The following NT5C3A variants were observed in gnomAD, a reference collection of about 807,000 sequenced individuals.
NT5C3A encodes the protein 5'-nucleotidase, cytosolic IIIA.
NT5C3A carries 23 observed loss-of-function variants against 40.0 expected under a neutral mutation model. The observed-to-expected ratio is 0.58, with a 90% CI of 0.41 to 0.81. The LOEUF is 0.81. NT5C3A is among the 40% of genes least tolerant of loss of function. NT5C3A has a pLI of 0.00. For missense variants in NT5C3A, 328 were observed against 403.0 expected, an observed-to-expected ratio of 0.81 and a Z score of 1.59; for synonymous variants, 130 against 141.4, an observed-to-expected ratio of 0.92 and a Z score of 0.57.
chr7:33,021,474 C>A (rs1785628082), intron 4 of NT5C3A, 117 bp from the exon 5 acceptor site: 3 of 1,235,706 alleles, frequency 2.4e-6, no homozygotes, highest in African/African-American at 3.1e-5. Flanking sequence ...AAAAGTTGAG[C>A]TAATGCATCA....
intron 1 of NT5C3A, among the ~76,000 whole-genome samples, chr7:33,039,246 G>A (rs1331851917): frequency 6.6e-6 from 1 of 152,040 alleles, no homozygotes; most frequent in Non-Finnish European, 1.5e-5. Flanking sequence ...TTTAAAGCAA[G>A]TCTTAAAGTA....
intron 1 of NT5C3A, among the ~76,000 whole-genome samples, chr7:33,047,086 T>A (rs938858288): frequency 6.6e-6 from 1 of 152,004 alleles, no homozygotes; most frequent in East Asian, 1.9e-4. Context: ...TATTTTATTA[T>A]AGCTGAATCT....
chr7:33,058,503 C>T (rs1268578361), intron 1 of NT5C3A, among the ~76,000 whole-genome samples: 2 of 152,158 alleles, frequency 1.3e-5, no homozygotes, highest in Non-Finnish European at 2.9e-5. Context: ...CCCGCCACGA[C>T]GCCCAACTAC....
chr7:33,052,652 A>C (rs1787415427), intron 1 of NT5C3A, among the ~76,000 whole-genome samples: 1 of 152,190 alleles, frequency 6.6e-6, no homozygotes, highest in Non-Finnish European at 1.5e-5. Flanking sequence ...CTCTTTATAC[A>C]GTAATTGTCT....
At chr7:33,039,570 T>TG (rs1243400446) in intron 1 of NT5C3A, among the ~76,000 whole-genome samples, 2 of 145,648 alleles carry the variant, frequency 1.4e-5, no homozygotes, top group African/African-American at 5.1e-5. Context: ...TTGTTTTTTT[T>TG]TTTTTTTAAT....
chr7:33,041,768 G>C lies in NT5C3A; in HGVS notation c.139-14853C>G, dbSNP rs72555720. ...AATTTTTTTTTTTAAAAGAGAACTAGTCTTGCTTTTAACCTGAGTAGTAGG... is the reference window on the plus strand; with the variant it reads ...AATTTTTTTTTTTAAAAGAGAACTACTCTTGCTTTTAACCTGAGTAGTAGG... On this transcript the variant is annotated intron_variant, in intron 1 of 8. Transcript: ENST00000610140. Among the ~76,000 whole-genome samples the C allele has an allele frequency of 0.012, 1,896 of 151,972 alleles. 63 individuals carry two copies. The East Asian group carries it at 0.14, about 11-fold the overall frequency.
At chr7:33,039,567 T>TTTTTTGTTG (rs1786808632) in intron 1 of NT5C3A, among the ~76,000 whole-genome samples, 1 of 144,342 alleles carries the variant, frequency 6.9e-6, no homozygotes, top group African/African-American at 2.6e-5. Context: ...TTTTTGTTTT[T>TTTTTTGTTG]TTTTTTTTTT....
At chr7:33,056,776 G>A (rs920794437) in intron 1 of NT5C3A, among the ~76,000 whole-genome samples, 3 of 152,034 alleles carry the variant, frequency 2.0e-5, no homozygotes, top group Non-Finnish European at 2.9e-5. Context: ...GTGGGCTTTC[G>A]ATTCACTCAG....
At chr7:33,054,918 G>C (rs563785120) in intron 1 of NT5C3A, among the ~76,000 whole-genome samples, 3 of 152,314 alleles carry the variant, frequency 2.0e-5, no homozygotes, top group African/African-American at 7.2e-5. Context: ...ATAATTGGGA[G>C]ATTAGCTTCC....
At chr7:33,060,546 C>A (rs115102606) in intron 1 of NT5C3A, among the ~76,000 whole-genome samples, 1 of 152,068 alleles carries the variant, frequency 6.6e-6, no homozygotes. Context: ...TAGCAACTTC[C>A]TCATGTCTCT....
At chr7:33,042,120 T>C (rs1340911098) in intron 1 of NT5C3A, among the ~76,000 whole-genome samples, 1 of 152,114 alleles carries the variant, frequency 6.6e-6, no homozygotes, top group Non-Finnish European at 1.5e-5. Context: ...GTGGATCACC[T>C]GAGGTCAGGA....
intron 7 of NT5C3A, 71 bp downstream of exon 7, chr7:33,017,368 C>T: frequency 8.0e-7 from 1 of 1,248,164 alleles, no homozygotes; most frequent in Non-Finnish European, 1.1e-6. Flanking sequence ...TATTAAGTAA[C>T]AATAAATAAA....
intron 7 of NT5C3A, among the ~76,000 whole-genome samples, chr7:33,016,246 C>T (rs1026335573): frequency 3.6e-4 from 55 of 152,032 alleles, no homozygotes; most frequent in African/African-American, 1.3e-3. Flanking sequence ...TGGTGGCACG[C>T]ACCTGTAGTC....
At chr7:33,022,867 T>C (rs1349974636) in intron 3 of NT5C3A, among the ~76,000 whole-genome samples, 3 of 152,096 alleles carry the variant, frequency 2.0e-5, no homozygotes, top group Non-Finnish European at 4.4e-5. Context: ...TTGAGATTAT[T>C]AGAAATTCTC....
intron 1 of NT5C3A, among the ~76,000 whole-genome samples, chr7:33,043,485 T>C (rs1156681143): frequency 2.0e-5 from 3 of 152,154 alleles, no homozygotes; most frequent in African/African-American, 7.2e-5. Flanking sequence ...GTCAACATCA[T>C]ATAGTTGGAT....
chr7:33,037,377 T>G (rs1237946010), intron 1 of NT5C3A, among the ~76,000 whole-genome samples: 1 of 151,714 alleles, frequency 6.6e-6, no homozygotes, highest in Non-Finnish European at 1.5e-5. Flanking sequence ...TGTTCCATAA[T>G]GACTTTACTT....
At chr7:33,050,322 C>CT in intron 1 of NT5C3A, among the ~76,000 whole-genome samples, 1 of 152,242 alleles carries the variant, frequency 6.6e-6, no homozygotes, top group East Asian at 1.9e-4. Context: ...GTGAAGCCTC[C>CT]TTTTTTCTTA....
At position 33,014,431 on chromosome 7, in the gene NT5C3A, A is replaced by C. The variant is rs1024344133; in HGVS notation, c.*299T>G. The C allele has an allele frequency of 1.7e-5, 8 of 477,254 alleles. No homozygotes were observed. The highest frequency in any genetic ancestry group is 2.3e-5 in the Admixed American group (1 of 43,126). The allele number at this position is 477,254 out of a possible 1,614,324, so 29.6% of individuals were successfully genotyped here. ...ACTTTCCCAGTGTAAAAGACTCCTCAAAAGCTGCATGATAACATTAAACTA... is the reference window on the plus strand; with the variant it reads ...ACTTTCCCAGTGTAAAAGACTCCTCCAAAGCTGCATGATAACATTAAACTA... On this transcript the variant is annotated 3_prime_UTR_variant, in exon 9 of 9. Coordinates refer to ENST00000610140, the MANE Select transcript of NT5C3A (RefSeq NM_001002010.5).
intron 1 of NT5C3A, among the ~76,000 whole-genome samples, chr7:33,055,683 T>C (rs1411088704): frequency 6.6e-6 from 1 of 152,246 alleles, no homozygotes; most frequent in Non-Finnish European, 1.5e-5. Flanking sequence ...TATGCCTTGG[T>C]ATCCTTATGG....
Sources: gnomAD v4.1 joint callset for allele counts (sites outside exome capture counted in the v4.1 genomes callset) on GRCh38, gnomAD v4.1.1 for gene constraint, MANE v1.5 for transcripts, NCBI Gene and HGNC (gene_info 2026-07-23, HGNC 2026-07-21) for gene names.